The following HIPK2 variants were observed in gnomAD, a reference collection of about 807,000 sequenced individuals.
HIPK2 encodes the protein homeodomain interacting protein kinase 2.
HIPK2 carries 27 observed loss-of-function variants against 113.7 expected under a neutral mutation model. The observed-to-expected ratio is 0.24, with a 90% CI of 0.17 to 0.33. HIPK2 has a LOEUF of 0.33. Ranked by LOEUF, HIPK2 falls within the 10% of genes least tolerant of loss-of-function variation. HIPK2 has a pLI of 1.00. For synonymous variants in HIPK2, 631 were observed against 642.2 expected, an observed-to-expected ratio of 0.98 and a Z score of 0.26; for missense variants, 1,257 against 1,588.0, an observed-to-expected ratio of 0.79 and a Z score of 3.54.
intron 1 of HIPK2, among the ~76,000 whole-genome samples, chr7:139,770,406 A>T (rs748056811): frequency 6.6e-6 from 1 of 152,212 alleles, no homozygotes; most frequent in Non-Finnish European, 1.5e-5. Flanking sequence ...TAAGTTCTAT[A>T]TTGTATAGAG....
chr7:139,777,652 A>C lies in HIPK2; in HGVS notation c.-29T>G. 9.1e-7 allele frequency: 1 copy of C among 1,095,082 alleles called. No homozygotes were observed. Among genetic ancestry groups the C allele is most frequent in the Non-Finnish European group, 1.1e-6 (1 of 899,188 alleles). The allele number at this position is 1,095,082 out of a possible 1,614,324, so 67.8% of individuals were successfully genotyped here. A position where few individuals can be genotyped will look rare whatever the true frequency, so the allele number is the denominator to read the frequency against. ...GGCCGGGGTGTCCGCGGTTCATGGC[A>C]ACGGGGACGGGAAAGCGGCGCGCGA... On this transcript the variant is annotated 5_prime_UTR_variant, in exon 1 of 15. Coordinates refer to ENST00000406875, the MANE Select transcript of HIPK2 (RefSeq NM_022740.5).
At chr7:139,721,688 T>C (rs1477186645) in intron 1 of HIPK2, among the ~76,000 whole-genome samples, 2 of 152,206 alleles carry the variant, frequency 1.3e-5, no homozygotes, top group African/African-American at 4.8e-5. Flanking sequence ...CTTTTTAAGT[T>C]ATCTCTGCAC....
Position 139,567,493 on chromosome 7 carries a change from G to A in HIPK2, c.*5434C>T, listed in dbSNP as rs1456326869. ...ATTGCCTGGAAAGGAACGAAGGGAAGGCCATTTTGTCCATTTCTGGAGGCG... is the reference window on the plus strand; with the variant it reads ...ATTGCCTGGAAAGGAACGAAGGGAAAGCCATTTTGTCCATTTCTGGAGGCG... On this transcript the variant is annotated 3_prime_UTR_variant, in exon 15 of 15. Transcript: ENST00000406875. 1 of 152,084 alleles carries A rather than the reference G, an allele frequency of 6.6e-6. No homozygotes were observed. The highest frequency in any genetic ancestry group is 1.5e-5 in the Non-Finnish European group (1 of 68,016). 9.4% of individuals were successfully genotyped at this position (152,084 alleles called of 1,614,324 possible).
In HIPK2 at chr7:139,575,301, G is replaced by A. The variant is rs572727489; in HGVS notation, c.2966-13C>T. 2 of 1,553,888 alleles carry A rather than the reference G, an allele frequency of 1.3e-6. No individual in the cohort carries two copies. Among genetic ancestry groups the A allele is most frequent in the South Asian group, 2.4e-5 (2 of 83,844 alleles). ...TGACTGGTGTTGACTGTGGCGGGAG[G>A]AGAAAGAGGTCAGATCAGTGGCAGG... On this transcript the variant is annotated splice_polypyrimidine_tract_variant and intron_variant, in intron 13 of 14. Coordinates refer to ENST00000406875, the MANE Select transcript of HIPK2 (RefSeq NM_022740.5).
chr7:139,582,215 T>G (rs1798689693), intron 13 of HIPK2, among the ~76,000 whole-genome samples: 1 of 152,204 alleles, frequency 6.6e-6, no homozygotes, highest in Non-Finnish European at 1.5e-5. Context: ...CAGAGATGCC[T>G]AATTTTGGGA....
At chr7:139,712,821 C>T (rs946731065) in intron 2 of HIPK2, among the ~76,000 whole-genome samples, 2 of 152,166 alleles carry the variant, frequency 1.3e-5, no homozygotes, top group African/African-American at 2.4e-5. Flanking sequence ...AGACTGTCCT[C>T]GAAAAATCGG....
chr7:139,626,634 A>G lies in HIPK2; in HGVS notation c.1586T>C (p.Met529Thr), dbSNP rs1800440885. 6.2e-7 allele frequency: 1 copy of G among 1,613,976 alleles called. No homozygotes were observed. Among genetic ancestry groups the G allele is most frequent in the Non-Finnish European group, 8.5e-7 (1 of 1,179,882 alleles). ...IETLNHPFVT[M>T]THLLDFPHST... ...GTGGGGAAAATCGAGTAAGTGTGTC[A>G]TGGTGACAAAGGGATGGTTCAGGGT... Residue 529 changes from methionine (M) to threonine (T), a missense_variant, in exon 6 of 15, where the codon ATG becomes ACG. This residue lies in a region of HIPK2 where 862 missense variants were observed against 1,004.3 expected (regional missense o/e 0.86). Coordinates refer to ENST00000406875, the MANE Select transcript of HIPK2 (RefSeq NM_022740.5).
intron 2 of HIPK2, among the ~76,000 whole-genome samples, chr7:139,635,761 C>T (rs559885607): frequency 1.9e-4 from 29 of 152,282 alleles, no homozygotes; most frequent in Middle Eastern, 3.4e-3. Context: ...GAATACAAAA[C>T]GTGTGTCACA....
rs531898472 is a variant in HIPK2 at position 139,572,531 on chromosome 7, C to G, written c.*396G>C. On this transcript the variant is annotated 3_prime_UTR_variant, in exon 15 of 15. Coordinates refer to ENST00000406875, the MANE Select transcript of HIPK2 (RefSeq NM_022740.5). ...CTTCAAAAACTGGGGCCCCCCGTTT[C>G]TGGAATCTTCCTGTTGCTCTCTTCT... 1.5e-3 allele frequency: 251 copies of G among 172,480 alleles called. 4 individuals carry two copies. Among genetic ancestry groups the G allele is most frequent in the Non-Finnish European group, 9.6e-4 (79 of 82,170 alleles). 10.7% of individuals were successfully genotyped at this position (172,480 alleles called of 1,614,324 possible).
chr7:139,674,740 A>G (rs559001208), intron 2 of HIPK2, among the ~76,000 whole-genome samples: 3 of 152,328 alleles, frequency 2.0e-5, no homozygotes, highest in African/African-American at 4.8e-5. Flanking sequence ...ATTAAGTAGG[A>G]GATTCTCTCT....
chr7:139,576,663 G>A (rs926810219), intron 13 of HIPK2, among the ~76,000 whole-genome samples: 7 of 152,244 alleles, frequency 4.6e-5, no homozygotes, highest in Non-Finnish European at 8.8e-5. Flanking sequence ...GGCTGAGAGC[G>A]TGAATAAGGA....
intron 2 of HIPK2, among the ~76,000 whole-genome samples, chr7:139,684,841 T>C (rs1794169491): frequency 1.3e-5 from 2 of 152,164 alleles, no homozygotes; most frequent in African/African-American, 2.4e-5. Flanking sequence ...ACAGGAATGA[T>C]AAGAAAGTAA....
At chr7:139,708,887 C>G (rs1017630890) in intron 2 of HIPK2, among the ~76,000 whole-genome samples, 36 of 152,058 alleles carry the variant, frequency 2.4e-4, no homozygotes, top group African/African-American at 8.5e-4. Flanking sequence ...TAAACTGTGT[C>G]GCCTGAGTCT....
At chr7:139,755,711 C>A (rs889470745) in intron 1 of HIPK2, among the ~76,000 whole-genome samples, 3 of 152,224 alleles carry the variant, frequency 2.0e-5, no homozygotes, top group Non-Finnish European at 4.4e-5. Flanking sequence ...CTTCACAAGG[C>A]ACTCATCTGG....
chr7:139,646,640 T>C (rs979673166), intron 2 of HIPK2, among the ~76,000 whole-genome samples: 1 of 152,144 alleles, frequency 6.6e-6, no homozygotes, highest in Non-Finnish European at 1.5e-5. Context: ...TCTCCTACAG[T>C]GCCTTTGGAA....
intron 1 of HIPK2, 47 bp downstream of exon 1, chr7:139,777,558 C>CGCGGAGG (rs1401847310): frequency 2.2e-6 from 2 of 922,368 alleles, no homozygotes; most frequent in South Asian, 4.9e-5. Flanking sequence ...CTGCGGGGGC[C>CGCGGAGG]GCGGAGGGCG....
chr7:139,577,386 G>A (rs528648221), intron 13 of HIPK2, among the ~76,000 whole-genome samples: 24 of 152,112 alleles, frequency 1.6e-4, no homozygotes, highest in Middle Eastern at 3.4e-3. Context: ...CCTGACCTCA[G>A]GTGATCCACC....
intron 2 of HIPK2, among the ~76,000 whole-genome samples, chr7:139,639,739 C>A (rs867042856): frequency 3.9e-5 from 6 of 152,200 alleles, no homozygotes; most frequent in Non-Finnish European, 8.8e-5. Flanking sequence ...GCAGCCTGGG[C>A]ATGTAGGTGC....
At chr7:139,605,514 G>C (rs1233338987) in intron 9 of HIPK2, among the ~76,000 whole-genome samples, 1 of 152,180 alleles carries the variant, frequency 6.6e-6, no homozygotes, top group African/African-American at 2.4e-5. Flanking sequence ...CATGTGCTCA[G>C]TGTGGGTGTT....
Sources: allele counts gnomAD v4.1 joint callset (sites outside exome capture counted in the v4.1 genomes callset), GRCh38; gene constraint gnomAD v4.1.1; regional missense constraint gnomAD v4.1.1; transcripts MANE v1.5; gene names NCBI Gene and HGNC (gene_info 2026-07-23, HGNC 2026-07-21).